The following DTD1 variants were observed in gnomAD, a reference collection of about 807,000 sequenced individuals.
DTD1 encodes the protein D-tyrosyl-tRNA deacylase 1 homolog.
DTD1 carries 13 observed loss-of-function variants against 25.6 expected under a neutral mutation model. The observed-to-expected ratio is 0.51, with a 90% CI of 0.33 to 0.81. The LOEUF is 0.81. DTD1 is among the 30% of genes least tolerant of loss of function. The pLI is 0.02. For synonymous variants in DTD1, 110 were observed against 103.6 expected, an observed-to-expected ratio of 1.06 and a Z score of -0.37; for missense variants, 193 against 266.4, an observed-to-expected ratio of 0.72 and a Z score of 1.92.
chr20:18,590,322 G>A (rs1159732228), intron 1 of DTD1, among the ~76,000 whole-genome samples: 2 of 152,054 alleles, frequency 1.3e-5, no homozygotes, highest in African/African-American at 4.8e-5. Context: ...GACTACAGGC[G>A]TGTGCCGCCA....
intron 3 of DTD1, among the ~76,000 whole-genome samples, chr20:18,622,056 T>G (rs2060736699): frequency 7.9e-6 from 1 of 126,582 alleles, no homozygotes; most frequent in Admixed American, 8.2e-5. Flanking sequence ...AGAGCGAGAC[T>G]CTGTCTCAAA....
chr20:18,592,990 T>G (rs2060596242), intron 1 of DTD1, among the ~76,000 whole-genome samples: 1 of 152,200 alleles, frequency 6.6e-6, no homozygotes, highest in Non-Finnish European at 1.5e-5. Context: ...CCCATAATGA[T>G]GCATCTTGCT....
intron 4 of DTD1, among the ~76,000 whole-genome samples, chr20:18,707,469 C>T (rs1413162452): frequency 6.6e-6 from 1 of 152,150 alleles, no homozygotes; most frequent in African/African-American, 2.4e-5. Context: ...ATATACCAAA[C>T]TGTGGTGGTG....
rs146135426 is a variant in DTD1 at position 18,676,258 on chromosome 20, T to C, written c.477+48025T>C. On this transcript the variant is annotated intron_variant, in intron 4 of 5. Transcript: ENST00000377452. ...GCTCCTCTGTGATGTTTGTATGTTGTACCCTTAACTGGCAGAGTTTGCAGG... is the reference window on the plus strand; with the variant it reads ...GCTCCTCTGTGATGTTTGTATGTTGCACCCTTAACTGGCAGAGTTTGCAGG... 5.2e-4 allele frequency among the ~76,000 whole-genome samples: 79 copies of C among 152,330 alleles called. No homozygotes were observed. The East Asian group carries it at 0.014, about 28-fold the overall frequency.
chr20:18,643,963 C>A (rs959148157), intron 4 of DTD1, among the ~76,000 whole-genome samples: 1 of 152,108 alleles, frequency 6.6e-6, no homozygotes, highest in African/African-American at 2.4e-5. Flanking sequence ...TTTCCCACCC[C>A]ACAAGGGCAT....
At chr20:18,713,940 G>A (rs1206853623) in intron 4 of DTD1, among the ~76,000 whole-genome samples, 1 of 152,162 alleles carries the variant, frequency 6.6e-6, no homozygotes, top group East Asian at 1.9e-4. Flanking sequence ...GCCCAGCACG[G>A]TCTGGGTTCT....
At chr20:18,635,927 G>A (rs1012780415) in intron 4 of DTD1, among the ~76,000 whole-genome samples, 1 of 152,186 alleles carries the variant, frequency 6.6e-6, no homozygotes, top group African/African-American at 2.4e-5. Context: ...ACTGGAATAT[G>A]TCTGGTAAAT....
chr20:18,601,229 G>T (rs117832579), intron 3 of DTD1, among the ~76,000 whole-genome samples: 2 of 152,046 alleles, frequency 1.3e-5, no homozygotes, highest in Admixed American at 1.3e-4. Context: ...GCCAGGCGTC[G>T]TGCTTCACGC....
At chr20:18,762,363 G>A (rs1459305198) in intron 5 of DTD1, among the ~76,000 whole-genome samples, 1 of 152,136 alleles carries the variant, frequency 6.6e-6, no homozygotes, top group Admixed American at 6.5e-5. Flanking sequence ...CATAGATCTC[G>A]GCAATACTAG....
At chr20:18,636,010 T>C (rs1364603822) in intron 4 of DTD1, among the ~76,000 whole-genome samples, 1 of 152,210 alleles carries the variant, frequency 6.6e-6, no homozygotes, top group Non-Finnish European at 1.5e-5. Flanking sequence ...GAGCAAAATA[T>C]CTGTTTTGCT....
rs2061375702 is a variant in DTD1, at chr20:18,765,130, G to T, written c.*1790G>T. 6.6e-6 allele frequency: 1 copy of T among 152,272 alleles called. No individual in the cohort carries two copies. The highest frequency in any genetic ancestry group is 2.4e-5 in the African/African-American group (1 of 41,462). The allele number at this position is 152,272 out of a possible 1,614,324, so 9.4% of individuals were successfully genotyped here. On this transcript the variant is annotated 3_prime_UTR_variant, in exon 6 of 6. Transcript: ENST00000377452. Reference sequence around the variant, plus strand: ...TAAAGGGACAGAGACATACCAGAGAGTGAGCACCATGTGGTCAAGTTGCTG... The same window carrying T: ...TAAAGGGACAGAGACATACCAGAGATTGAGCACCATGTGGTCAAGTTGCTG...
intron 4 of DTD1, among the ~76,000 whole-genome samples, chr20:18,689,378 T>C (rs563084395): frequency 2.6e-5 from 4 of 152,310 alleles, no homozygotes; most frequent in Non-Finnish European, 4.4e-5. Context: ...TAGATTTTCA[T>C]AGAATCACCT....
At chr20:18,747,391 C>T (rs6075412) in intron 5 of DTD1, among the ~76,000 whole-genome samples, 82,697 of 151,946 alleles carry the variant, frequency 0.54, 23,661 homozygotes, top group Non-Finnish European at 0.62. Flanking sequence ...CTGGGCAGGG[C>T]GGGGGCAGGC....
chr20:18,712,748 G>C (rs2061164149), intron 4 of DTD1, among the ~76,000 whole-genome samples: 1 of 152,120 alleles, frequency 6.6e-6, no homozygotes, highest in South Asian at 2.1e-4. Context: ...TCTCTACTGT[G>C]GCTTGCTCTA....
intron 3 of DTD1, among the ~76,000 whole-genome samples, chr20:18,619,894 CT>C (rs2060726283): frequency 6.6e-6 from 1 of 152,116 alleles, no homozygotes; most frequent in African/African-American, 2.4e-5. Context: ...GCTTTACTAA[CT>C]GAGTTTCTGG....
intron 4 of DTD1, among the ~76,000 whole-genome samples, chr20:18,716,424 C>CA (rs2061180835): frequency 6.6e-6 from 1 of 152,238 alleles, no homozygotes; most frequent in African/African-American, 2.4e-5. Context: ...GTCCAACTCT[C>CA]ACCAGGAGAC....
chr20:18,624,208 C>T (rs2060748401), intron 3 of DTD1, among the ~76,000 whole-genome samples: 1 of 152,158 alleles, frequency 6.6e-6, no homozygotes, highest in Admixed American at 6.5e-5. Context: ...AGGCTGTTTC[C>T]CAAGCCGTGT....
At chr20:18,666,256 C>T (rs896305729) in intron 4 of DTD1, among the ~76,000 whole-genome samples, 9 of 152,196 alleles carry the variant, frequency 5.9e-5, no homozygotes, top group African/African-American at 2.2e-4. Context: ...GTACTCTTCT[C>T]ATATCGTGTC....
intron 4 of DTD1, among the ~76,000 whole-genome samples, chr20:18,669,974 C>T (rs2060945989): frequency 6.6e-6 from 1 of 152,198 alleles, no homozygotes; most frequent in South Asian, 2.1e-4. Context: ...TGCAAGCGCA[C>T]ACCTGCATTT....
Sources: gnomAD v4.1 joint callset for allele counts (sites outside exome capture counted in the v4.1 genomes callset) on GRCh38, gnomAD v4.1.1 for gene constraint, MANE v1.5 for transcripts, NCBI Gene and HGNC (gene_info 2026-07-23, HGNC 2026-07-21) for gene names.